Variants in ANKS1B observed in about 807,000 individuals in gnomAD.
ANKS1B encodes the protein ankyrin repeat and sterile alpha motif domain containing 1B.
In ANKS1B, 36 loss-of-function variants were observed where a neutral mutation model predicts 148.3. That is an observed-to-expected ratio of 0.24 (90% CI 0.19 to 0.32). ANKS1B has a LOEUF of 0.32. Ranked by LOEUF, ANKS1B falls within the 10% of genes least tolerant of loss-of-function variation. The pLI, the probability that ANKS1B is intolerant of heterozygous loss-of-function variation, is 1.00. For missense variants in ANKS1B, 1,157 were observed against 1,542.6 expected, an observed-to-expected ratio of 0.75 and a Z score of 4.19; for synonymous variants, 542 against 560.8, an observed-to-expected ratio of 0.97 and a Z score of 0.47.
At chr12:99,685,478 C>T (rs2098644184) in intron 8 of ANKS1B, among the ~76,000 whole-genome samples, 1 of 152,042 alleles carries the variant, frequency 6.6e-6, no homozygotes, top group Non-Finnish European at 1.5e-5. Flanking sequence ...TTTTACACTG[C>T]TGGTGGAAAC....
chr12:98,925,856 C>G (rs2099807399), intron 17 of ANKS1B, among the ~76,000 whole-genome samples: 1 of 152,128 alleles, frequency 6.6e-6, no homozygotes, highest in African/African-American at 2.4e-5. Flanking sequence ...ACTTAAAGCT[C>G]ATTTGGTGGG....
chr12:99,567,358 C>G (rs1471041038), intron 9 of ANKS1B, among the ~76,000 whole-genome samples: 1 of 152,072 alleles, frequency 6.6e-6, no homozygotes. Flanking sequence ...GACTGGGGGC[C>G]TTAGTTACAT....
intron 12 of ANKS1B, among the ~76,000 whole-genome samples, chr12:99,354,702 A>G (rs2091807969): frequency 6.6e-6 from 1 of 152,082 alleles, no homozygotes; most frequent in South Asian, 2.1e-4. Flanking sequence ...AACATGGATA[A>G]GATTACTAAG....
At chr12:99,227,184 A>G (rs144383239) in intron 14 of ANKS1B, among the ~76,000 whole-genome samples, 2 of 152,128 alleles carry the variant, frequency 1.3e-5, no homozygotes, top group Non-Finnish European at 2.9e-5. Flanking sequence ...CCTTGGTGCT[A>G]TTCTCATGAC....
intron 17 of ANKS1B, among the ~76,000 whole-genome samples, chr12:99,021,596 A>T (rs537644785): frequency 1.3e-5 from 2 of 152,292 alleles, no homozygotes; most frequent in East Asian, 1.9e-4. Context: ...AAAGTAAAGC[A>T]TTATGACTTT....
At chr12:99,112,919 G>T (rs2060591790) in intron 15 of ANKS1B, among the ~76,000 whole-genome samples, 1 of 152,138 alleles carries the variant, frequency 6.6e-6, no homozygotes, top group African/African-American at 2.4e-5. Context: ...TACAGATAAT[G>T]GGTTACAAAG....
intron 17 of ANKS1B, among the ~76,000 whole-genome samples, chr12:98,853,348 G>GAATTA (rs1290076831): frequency 6.6e-6 from 1 of 152,176 alleles, no homozygotes; most frequent in East Asian, 1.9e-4. Context: ...TGGGGAGCAG[G>GAATTA]AATTATATGT....
intron 8 of ANKS1B, among the ~76,000 whole-genome samples, chr12:99,761,303 C>T (rs946000487): frequency 6.6e-6 from 1 of 151,506 alleles, no homozygotes; most frequent in Non-Finnish European, 1.5e-5. Context: ...AAGCAAATAT[C>T]CTCAGCAAAC....
At chr12:99,871,274 T>C (rs1047555006) in intron 1 of ANKS1B, among the ~76,000 whole-genome samples, 6 of 152,218 alleles carry the variant, frequency 3.9e-5, no homozygotes, top group Non-Finnish European at 7.4e-5. Context: ...TCTATGTGTC[T>C]GTTTTTGTTC....
chr12:98,856,608 A>G (rs1045860866), intron 17 of ANKS1B, among the ~76,000 whole-genome samples: 4 of 152,114 alleles, frequency 2.6e-5, no homozygotes, highest in South Asian at 4.2e-4. Context: ...CTGTTTTGCT[A>G]TTTAATGTGA....
intron 14 of ANKS1B, among the ~76,000 whole-genome samples, chr12:99,174,309 C>T (rs889866623): frequency 2.6e-5 from 4 of 152,206 alleles, no homozygotes; most frequent in African/African-American, 9.6e-5. Context: ...TACACATTGA[C>T]TGAAGCTTTG....
At chr12:98,980,094 TTC>T (rs1449853614) in intron 17 of ANKS1B, among the ~76,000 whole-genome samples, 2 of 152,378 alleles carry the variant, frequency 1.3e-5, no homozygotes, top group East Asian at 1.9e-4. Context: ...ATGTCAGATA[TTC>T]TGTTTTATTT....
At chr12:99,172,417 C>G (rs913062012) in intron 14 of ANKS1B, among the ~76,000 whole-genome samples, 1 of 152,184 alleles carries the variant, frequency 6.6e-6, no homozygotes, top group Admixed American at 6.6e-5. Context: ...ACCTGCAAGG[C>G]TCTTTCTCTT....
At chr12:99,478,924 TA>T (rs2096368174) in intron 10 of ANKS1B, among the ~76,000 whole-genome samples, 1 of 152,116 alleles carries the variant, frequency 6.6e-6, no homozygotes, top group Non-Finnish European at 1.5e-5. Flanking sequence ...ATACCCATAT[TA>T]AAACTTTTTA....
chr12:99,886,300 T>C (rs148307283), intron 1 of ANKS1B, among the ~76,000 whole-genome samples: 308 of 152,370 alleles, frequency 2.0e-3, no homozygotes, highest in African/African-American at 7.2e-3. Context: ...TGTCTGTCTC[T>C]TTCATGAAAT....
intron 1 of ANKS1B, among the ~76,000 whole-genome samples, chr12:99,957,130 T>A (rs142145923): frequency 8.9e-4 from 136 of 152,336 alleles, no homozygotes; most frequent in Non-Finnish European, 1.2e-3. Context: ...CCTTAGAGGT[T>A]TGTTGTGAGC....
At chr12:99,638,798 G>T (rs1018023495) in intron 9 of ANKS1B, among the ~76,000 whole-genome samples, 1 of 152,146 alleles carries the variant, frequency 6.6e-6, no homozygotes, top group African/African-American at 2.4e-5. Context: ...GGGAAAATAC[G>T]GTTTCCTGAG....
chr12:99,331,192 G>T (rs897405342), intron 12 of ANKS1B, among the ~76,000 whole-genome samples: 5 of 151,806 alleles, frequency 3.3e-5, no homozygotes, highest in Admixed American at 2.6e-4. Context: ...GACATAAAAT[G>T]GTTTTATAAT....
At chr12:99,931,408 G>T (rs2094611712) in intron 1 of ANKS1B, among the ~76,000 whole-genome samples, 1 of 152,096 alleles carries the variant, frequency 6.6e-6, no homozygotes. Flanking sequence ...TACACATGCT[G>T]ATAGTAATAT....
Sources: allele counts gnomAD v4.1 joint callset (sites outside exome capture counted in the v4.1 genomes callset), GRCh38; gene constraint gnomAD v4.1.1; transcripts MANE v1.5; gene names NCBI Gene and HGNC (gene_info 2026-07-23, HGNC 2026-07-21).